GRID2: variants seen among roughly 807,000 people sequenced by gnomAD.
The protein encoded by GRID2 is glutamate receptor ionotropic, delta-2.
Under a neutral mutation model 114.8 loss-of-function variants are expected in GRID2, and 33 were observed. The ratio of observed to expected loss-of-function variants is 0.29; its 90% CI spans 0.22 to 0.38. The LOEUF (loss-of-function observed/expected upper bound fraction) is 0.38, where lower values mean the gene tolerates loss of function less well. Among genes scored for constraint, GRID2 ranks in the 10% least tolerant of loss-of-function variants. The pLI is 1.00. For missense variants in GRID2, 1,184 were observed against 1,257.7 expected (o/e 0.94, Z 0.89); for synonymous variants, 505 against 449.9 (o/e 1.12, Z -1.55).
In GRID2 at chr4:93,216,741, A is replaced by G. The variant is rs1280623684; in HGVS notation, c.793A>G (p.Ile265Val). The change falls in exon 6 of 16, where the codon ATA becomes GTA. Residue 265 changes from isoleucine to valine, a missense_variant. Coordinates refer to ENST00000282020, the MANE Select transcript of GRID2 (RefSeq NM_001510.4). ...DCHWIIINEE[I>V]NDVDVQELVR... The stretch of plus-strand genomic sequence containing the variant: ...TCTTCCACCTCTTATCTTATAGGAA[A>G]TAAACGATGTGGACGTACAGGAACT... The G allele has an allele frequency of 1.2e-6, 2 of 1,603,654 alleles. No homozygotes were observed. Among genetic ancestry groups the G allele is most frequent in the East Asian group, 2.2e-5 (1 of 44,778 alleles).
chr4:92,475,667 T>G (rs1211087647), intron 1 of GRID2, among the ~76,000 whole-genome samples: 1 of 152,016 alleles, frequency 6.6e-6, no homozygotes, highest in Non-Finnish European at 1.5e-5. Flanking sequence ...TCTTTTATGG[T>G]TCTGTAATGA....
intron 8 of GRID2, among the ~76,000 whole-genome samples, chr4:93,279,565 A>G (rs557728526): frequency 5.1e-4 from 78 of 152,050 alleles, no homozygotes; most frequent in African/African-American, 1.9e-3. Flanking sequence ...AACTCAGGTA[A>G]TACATAATCT....
At chr4:93,475,077 C>T (rs1338017695) in intron 11 of GRID2, among the ~76,000 whole-genome samples, 1 of 152,104 alleles carries the variant, frequency 6.6e-6, no homozygotes, top group African/African-American at 2.4e-5. Context: ...TTTTGATTTA[C>T]TGCTTCAGCC....
intron 8 of GRID2, among the ~76,000 whole-genome samples, chr4:93,351,093 A>G (rs528132009): frequency 2.6e-5 from 4 of 152,202 alleles, no homozygotes; most frequent in Non-Finnish European, 4.4e-5. Context: ...TCATGATTCA[A>G]TGTTCCACCT....
At chr4:93,118,695 G>T (rs1385129971) in intron 4 of GRID2, among the ~76,000 whole-genome samples, 2 of 152,252 alleles carry the variant, frequency 1.3e-5, no homozygotes, top group East Asian at 3.9e-4. Flanking sequence ...GCTTACCATG[G>T]ATTATATGAT....
intron 14 of GRID2, among the ~76,000 whole-genome samples, chr4:93,727,219 C>T (rs368604711): frequency 1.3e-5 from 2 of 152,032 alleles, no homozygotes; most frequent in Admixed American, 1.3e-4. Flanking sequence ...TTGTCAAAGG[C>T]CTTTTCTGCA....
At chr4:93,526,144 C>T (rs6819321) in intron 13 of GRID2, among the ~76,000 whole-genome samples, 81,862 of 151,984 alleles carry the variant, frequency 0.54, 23,444 homozygotes, top group African/African-American at 0.74. Flanking sequence ...TAGGAGGTGA[C>T]TGGATCATGG....
intron 11 of GRID2, among the ~76,000 whole-genome samples, chr4:93,472,079 C>T (rs545991235): frequency 6.6e-6 from 1 of 151,350 alleles, no homozygotes; most frequent in East Asian, 2.0e-4. Flanking sequence ...AATCCCAGCA[C>T]TTTGGGAGAC....
At chr4:93,159,381 T>C (rs1281156730) in intron 4 of GRID2, among the ~76,000 whole-genome samples, 2 of 151,840 alleles carry the variant, frequency 1.3e-5, no homozygotes, top group Non-Finnish European at 2.9e-5. Context: ...GATTATTGTA[T>C]TCAAGTTATT....
intron 2 of GRID2, among the ~76,000 whole-genome samples, chr4:92,645,875 T>C (rs1324738236): frequency 2.6e-5 from 4 of 151,808 alleles, no homozygotes; most frequent in Non-Finnish European, 5.9e-5. Flanking sequence ...TGAACATTGA[T>C]GGGATTTTTT....
At chr4:92,335,030 G>A (rs1579197149) in intron 1 of GRID2, among the ~76,000 whole-genome samples, 1 of 152,196 alleles carries the variant, frequency 6.6e-6, no homozygotes, top group South Asian at 2.1e-4. Flanking sequence ...AATTTGAACT[G>A]ATACAATAGG....
chr4:92,624,538 C>T (rs1730427479), intron 2 of GRID2, among the ~76,000 whole-genome samples: 1 of 151,706 alleles, frequency 6.6e-6, no homozygotes, highest in Non-Finnish European at 1.5e-5. Flanking sequence ...AATTTCTCAT[C>T]AAAATATTTT....
At chr4:92,485,629 G>A (rs1276886015) in intron 1 of GRID2, among the ~76,000 whole-genome samples, 2 of 151,718 alleles carry the variant, frequency 1.3e-5, no homozygotes, top group African/African-American at 4.8e-5. Context: ...GGCGGAGGTT[G>A]CAGTGAGCTG....
chr4:92,375,322 A>G (rs1729302785), intron 1 of GRID2, among the ~76,000 whole-genome samples: 1 of 152,194 alleles, frequency 6.6e-6, no homozygotes, highest in South Asian at 2.1e-4. Context: ...CAGGTGCTAA[A>G]AGAAGTGTGC....
intron 1 of GRID2, among the ~76,000 whole-genome samples, chr4:92,346,326 C>A (rs751658352): frequency 1.3e-5 from 2 of 152,094 alleles, no homozygotes; most frequent in Non-Finnish European, 2.9e-5. Context: ...ATATTTCATT[C>A]ATGGTATAAT....
At chr4:93,093,238 C>G (rs1252969083) in intron 3 of GRID2, among the ~76,000 whole-genome samples, 1 of 152,002 alleles carries the variant, frequency 6.6e-6, no homozygotes, top group Non-Finnish European at 1.5e-5. Flanking sequence ...ATCAGGCTTT[C>G]GGTTTCAGTT....
At chr4:93,017,877 G>A (rs1722911284) in intron 2 of GRID2, among the ~76,000 whole-genome samples, 1 of 142,168 alleles carries the variant, frequency 7.0e-6, no homozygotes, top group South Asian at 2.3e-4. Flanking sequence ...ACATAAGACA[G>A]TAAGCTTTTT....
chr4:93,805,835 G>T (rs1227888288), intron 1 of GRID2, among the ~76,000 whole-genome samples: 3 of 152,178 alleles, frequency 2.0e-5, no homozygotes, highest in Non-Finnish European at 2.9e-5. Flanking sequence ...GGTGGCTCAC[G>T]CCTGTTATCC....
intron 8 of GRID2, among the ~76,000 whole-genome samples, chr4:93,342,790 A>AT (rs1160048276): frequency 7.2e-5 from 11 of 152,120 alleles, no homozygotes; most frequent in African/African-American, 2.7e-4. Flanking sequence ...TAACTTGTGT[A>AT]TTTTTTTATT....
Sources: allele counts gnomAD v4.1 joint callset (sites outside exome capture counted in the v4.1 genomes callset), GRCh38; gene constraint gnomAD v4.1.1; transcripts MANE v1.5; gene names NCBI Gene and HGNC (gene_info 2026-07-23, HGNC 2026-07-21).